Variants in PAN3 observed in about 807,000 individuals in gnomAD.
The protein encoded by PAN3 is PAN2-PAN3 deadenylation complex subunit PAN3.
PAN3 carries 19 observed loss-of-function variants against 96.2 expected under a neutral mutation model. The observed-to-expected ratio is 0.20, with a 90% CI of 0.14 to 0.29. The LOEUF (loss-of-function observed/expected upper bound fraction) is 0.29. Among genes scored for constraint, PAN3 ranks in the 10% least tolerant of loss-of-function variants. The pLI, the probability that PAN3 is intolerant of heterozygous loss-of-function variation, is 1.00. For synonymous variants in PAN3, 433 were observed against 406.6 expected (o/e 1.06, Z -0.78); for missense variants, 882 against 1,108.1 (o/e 0.80, Z 2.90).
chr13:28,210,033 C>A (rs925423122), intron 5 of PAN3, among the ~76,000 whole-genome samples: 1 of 152,132 alleles, frequency 6.6e-6, no homozygotes, highest in Non-Finnish European at 1.5e-5. Context: ...ATCCTCCACC[C>A]TTGGCCTCCT....
At chr13:28,141,165 C>T (rs1869753258) in intron 1 of PAN3, among the ~76,000 whole-genome samples, 1 of 151,770 alleles carries the variant, frequency 6.6e-6, no homozygotes, top group Admixed American at 6.6e-5. Context: ...CCACCACGAC[C>T]GGCTTATTTT....
intron 1 of PAN3, 140 bp from the exon 2 acceptor site, chr13:28,174,132 A>T (rs45521340): frequency 1.2e-6 from 1 of 837,888 alleles, no homozygotes; most frequent in African/African-American, 1.7e-5. Flanking sequence ...ATTTTATTTG[A>T]TCTTACCTGT....
At chr13:28,252,448 C>T (rs1884814834) in intron 6 of PAN3, among the ~76,000 whole-genome samples, 1 of 151,590 alleles carries the variant, frequency 6.6e-6, no homozygotes, top group South Asian at 2.1e-4. Flanking sequence ...TATGTTGTTT[C>T]TCTTAGGTTT....
chr13:28,164,243 A>G (rs1007947347), intron 1 of PAN3, among the ~76,000 whole-genome samples: 4 of 152,136 alleles, frequency 2.6e-5, no homozygotes, highest in Middle Eastern at 3.2e-3. Context: ...TCTTAATTGA[A>G]GTTTTCTTGG....
intron 6 of PAN3, among the ~76,000 whole-genome samples, chr13:28,239,137 A>AC (rs1339308407): frequency 5.2e-3 from 243 of 46,316 alleles, no homozygotes; most frequent in Middle Eastern, 0.017. Context: ...TTTTAATCCC[A>AC]CCCCCCCCAC....
chr13:28,223,871 ATTTTTTT>A (rs560571140), intron 6 of PAN3, among the ~76,000 whole-genome samples: 173 of 75,036 alleles, frequency 2.3e-3, no homozygotes, highest in African/African-American at 8.5e-3. Flanking sequence ...ATGAAAAGTG[ATTTTTTT>A]TTTTTTTTTT....
intron 5 of PAN3, among the ~76,000 whole-genome samples, chr13:28,216,796 ACTT>A (rs1880823391): frequency 6.7e-6 from 1 of 150,058 alleles, no homozygotes; most frequent in Non-Finnish European, 1.5e-5. Context: ...TTCAACAGAA[ACTT>A]CTTGTCTTTC....
chr13:28,242,329 G>A (rs1883747592), intron 6 of PAN3, among the ~76,000 whole-genome samples: 1 of 145,954 alleles, frequency 6.9e-6, no homozygotes, highest in African/African-American at 2.8e-5. Context: ...TTAGCATCTT[G>A]GTTGTTGGTA....
At chr13:28,263,121 A>G (rs1313691963) in intron 9 of PAN3, among the ~76,000 whole-genome samples, 1 of 152,166 alleles carries the variant, frequency 6.6e-6, no homozygotes, top group African/African-American at 2.4e-5. Context: ...GAGTATGGTT[A>G]TTATTTATGT....
intron 6 of PAN3, among the ~76,000 whole-genome samples, chr13:28,254,097 A>G (rs932589786): frequency 2.0e-5 from 3 of 152,156 alleles, no homozygotes; most frequent in African/African-American, 4.8e-5. Context: ...TAGTAGTCAC[A>G]CTAAAGCTAG....
chr13:28,177,542 T>C (rs45495499), intron 3 of PAN3, among the ~76,000 whole-genome samples: 3,893 of 152,246 alleles, frequency 0.026, 151 homozygotes, highest in African/African-American at 0.089. Flanking sequence ...TATAAACCTT[T>C]ATTTACTTTA....
At chr13:28,204,003 G>A (rs548883130) in intron 5 of PAN3, among the ~76,000 whole-genome samples, 3 of 151,806 alleles carry the variant, frequency 2.0e-5, no homozygotes, top group African/African-American at 7.3e-5. Flanking sequence ...GGGTTTCACC[G>A]TGTTGGCCAG....
intron 6 of PAN3, among the ~76,000 whole-genome samples, chr13:28,249,140 A>G (rs77327053): frequency 0.02 from 3,001 of 152,080 alleles, 111 homozygotes; most frequent in African/African-American, 0.068. Context: ...CCTATCTTTT[A>G]TTTATTTATT....
chr13:28,231,576 G>A (rs1362716424), intron 6 of PAN3, among the ~76,000 whole-genome samples: 1 of 152,094 alleles, frequency 6.6e-6, no homozygotes, highest in Admixed American at 6.5e-5. Flanking sequence ...AAATGAAGTA[G>A]GATTATATAA....
At chr13:28,215,780 T>C in intron 5 of PAN3, 2 of 1,434,254 alleles carry the variant, frequency 1.4e-6, no homozygotes, top group Non-Finnish European at 1.9e-6. Flanking sequence ...TGAGTTGTTT[T>C]GCTGTTGGTG....
intron 2 of PAN3, among the ~76,000 whole-genome samples, chr13:28,175,159 C>T (rs1874801948): frequency 6.6e-6 from 1 of 152,108 alleles, no homozygotes; most frequent in South Asian, 2.1e-4. Context: ...ATTGTCCTTT[C>T]TAGTTTCTGT....
intron 1 of PAN3, among the ~76,000 whole-genome samples, chr13:28,142,407 A>G (rs1307713486): frequency 2.0e-5 from 3 of 151,966 alleles, no homozygotes; most frequent in African/African-American, 7.3e-5. Flanking sequence ...GGCTCTAGCA[A>G]TCTCCTGCCT....
chr13:28,187,103 G>T (rs966816923), intron 4 of PAN3, among the ~76,000 whole-genome samples: 2 of 151,872 alleles, frequency 1.3e-5, no homozygotes, highest in Admixed American at 6.6e-5. Flanking sequence ...GAGGTGGGTG[G>T]ATAACTCGAG....
chr13:28,245,257 C>G (rs943093881), intron 6 of PAN3, among the ~76,000 whole-genome samples: 1 of 151,884 alleles, frequency 6.6e-6, no homozygotes, highest in Non-Finnish European at 1.5e-5. Context: ...GTGTTTATTC[C>G]CCTTTGTTTA....
Sources: allele counts gnomAD v4.1 joint callset (sites outside exome capture counted in the v4.1 genomes callset), GRCh38; gene constraint gnomAD v4.1.1; transcripts MANE v1.5; gene names NCBI Gene and HGNC (gene_info 2026-07-23, HGNC 2026-07-21).